The following SRBD1 variants were observed in gnomAD, a reference collection of about 807,000 sequenced individuals.
SRBD1 encodes S1 RNA binding domain 1, also known as S1 RNA-binding domain-containing protein 1.
SRBD1 carries 88 observed loss-of-function variants against 115.3 expected under a neutral mutation model. The observed-to-expected ratio is 0.76, with a 90% CI of 0.64 to 0.91. SRBD1 has a LOEUF of 0.91. Among genes scored for constraint, SRBD1 ranks in the 40% least tolerant of loss-of-function variants. SRBD1 has a pLI of 0.00. For synonymous variants in SRBD1, 509 were observed against 407.7 expected, an observed-to-expected ratio of 1.25 and a Z score of -2.99; for missense variants, 1,385 against 1,177.4, an observed-to-expected ratio of 1.18 and a Z score of -2.58.
At chr2:45,441,897 C>T (rs1394276666) in intron 16 of SRBD1, among the ~76,000 whole-genome samples, 2 of 152,202 alleles carry the variant, frequency 1.3e-5, no homozygotes, top group African/African-American at 2.4e-5. Flanking sequence ...GGCCCTCCCA[C>T]TCCAAGCTGC....
intron 14 of SRBD1, among the ~76,000 whole-genome samples, chr2:45,521,344 G>A (rs889710930): frequency 1.3e-5 from 2 of 150,264 alleles, no homozygotes; most frequent in African/African-American, 4.9e-5. Context: ...ACAGGCAGAG[G>A]AGTTGAATAG....
intron 16 of SRBD1, among the ~76,000 whole-genome samples, chr2:45,427,373 G>A (rs565338804): frequency 6.6e-6 from 1 of 152,042 alleles, no homozygotes; most frequent in African/African-American, 2.4e-5. Flanking sequence ...GCTGTATTCA[G>A]GAGACCCATA....
chr2:45,551,427 T>C (rs1395582346), intron 11 of SRBD1, 145 bp from the exon 12 acceptor site: 1 of 833,884 alleles, frequency 1.2e-6, no homozygotes, highest in Non-Finnish European at 1.8e-6. Flanking sequence ...ACAAAAATTA[T>C]ATTGAGTCTA....
At chr2:45,564,987 C>G (rs1433892294) in intron 9 of SRBD1, among the ~76,000 whole-genome samples, 1 of 152,084 alleles carries the variant, frequency 6.6e-6, no homozygotes, top group Non-Finnish European at 1.5e-5. Flanking sequence ...TAAAGAAGAT[C>G]TAAATAAATA....
chr2:45,579,832 A>G, intron 7 of SRBD1, 43 bp downstream of exon 7: 1 of 1,475,310 alleles, frequency 6.8e-7, no homozygotes, highest in Non-Finnish European at 9.0e-7. Flanking sequence ...ATTAAAAAAA[A>G]AAAAAAAGAA....
intron 16 of SRBD1, among the ~76,000 whole-genome samples, chr2:45,441,826 C>T (rs955071140): frequency 2.0e-5 from 3 of 152,172 alleles, no homozygotes; most frequent in African/African-American, 7.2e-5. Context: ...CAACAGCAAA[C>T]TCAGAAATTT....
chr2:45,559,774 A>C (rs1333794957), intron 10 of SRBD1, among the ~76,000 whole-genome samples: 1 of 152,178 alleles, frequency 6.6e-6, no homozygotes, highest in African/African-American at 2.4e-5. Context: ...GAATTATCTA[A>C]ATGAAGAAAA....
chr2:45,508,391 T>A (rs1670861213), intron 14 of SRBD1, among the ~76,000 whole-genome samples: 1 of 152,194 alleles, frequency 6.6e-6, no homozygotes, highest in South Asian at 2.1e-4. Context: ...TGAAGAAACT[T>A]TTAAAATTAT....
At chr2:45,398,156 C>T (rs953135587) in intron 19 of SRBD1, among the ~76,000 whole-genome samples, 2 of 151,890 alleles carry the variant, frequency 1.3e-5, no homozygotes, top group Non-Finnish European at 2.9e-5. Context: ...CAGCTGAGAC[C>T]GTTTTTTTAC....
intron 16 of SRBD1, among the ~76,000 whole-genome samples, chr2:45,463,602 T>A (rs1250150476): frequency 6.6e-6 from 1 of 152,174 alleles, no homozygotes; most frequent in East Asian, 1.9e-4. Flanking sequence ...TCTCAACATT[T>A]TTTCTAATGT....
chr2:45,578,542 T>C (rs1673247122), intron 7 of SRBD1, among the ~76,000 whole-genome samples: 1 of 152,206 alleles, frequency 6.6e-6, no homozygotes, highest in South Asian at 2.1e-4. Flanking sequence ...CAAATTCACA[T>C]TTGCTGGGTT....
At chr2:45,439,806 A>C (rs1169199609) in intron 16 of SRBD1, among the ~76,000 whole-genome samples, 1 of 151,950 alleles carries the variant, frequency 6.6e-6, no homozygotes, top group Non-Finnish European at 1.5e-5. Flanking sequence ...AAAAAAAAGA[A>C]CCATAAGTAA....
intron 16 of SRBD1, among the ~76,000 whole-genome samples, chr2:45,439,437 G>C (rs573334528): frequency 2.0e-5 from 3 of 150,480 alleles, no homozygotes; most frequent in Non-Finnish European, 4.4e-5. Context: ...CAAAGAAGGA[G>C]GTGAGGTGGT....
chr2:45,608,054 C>T (rs949849897), intron 1 of SRBD1, among the ~76,000 whole-genome samples: 7 of 152,204 alleles, frequency 4.6e-5, no homozygotes, highest in African/African-American at 1.7e-4. Flanking sequence ...GAATTCAGAA[C>T]ATTCCCACAC....
chr2:45,568,388 A>T (rs1672902909), intron 9 of SRBD1, among the ~76,000 whole-genome samples: 1 of 152,164 alleles, frequency 6.6e-6, no homozygotes, highest in Non-Finnish European at 1.5e-5. Context: ...TATCTACATA[A>T]AGGCTGAAAA....
chr2:45,454,624 T>C (rs1031648173), intron 16 of SRBD1, among the ~76,000 whole-genome samples: 3 of 151,838 alleles, frequency 2.0e-5, no homozygotes, highest in Non-Finnish European at 4.4e-5. Flanking sequence ...TATGATTACT[T>C]ACACTCTGCT....
chr2:45,504,517 A>T (rs1285020933), intron 14 of SRBD1, among the ~76,000 whole-genome samples: 1 of 152,204 alleles, frequency 6.6e-6, no homozygotes, highest in African/African-American at 2.4e-5. Context: ...CAGAGGAAAT[A>T]GTTTACTCAA....
intron 15 of SRBD1, among the ~76,000 whole-genome samples, chr2:45,479,011 T>C (rs1045283161): frequency 1.3e-5 from 2 of 152,176 alleles, no homozygotes; most frequent in African/African-American, 4.8e-5. Context: ...AAAATTTAAT[T>C]ATATTTGTTA....
intron 10 of SRBD1, among the ~76,000 whole-genome samples, chr2:45,560,552 T>C (rs1007420497): frequency 1.3e-5 from 2 of 152,222 alleles, no homozygotes; most frequent in African/African-American, 2.4e-5. Flanking sequence ...TATTACCATT[T>C]TAAGGATAGA....
Sources: allele counts gnomAD v4.1 joint callset (sites outside exome capture counted in the v4.1 genomes callset), GRCh38; gene constraint gnomAD v4.1.1; transcripts MANE v1.5; gene names NCBI Gene and HGNC (gene_info 2026-07-23, HGNC 2026-07-21).